Variants in TRIM59 observed in about 807,000 individuals in gnomAD.
TRIM59 encodes tripartite motif-containing protein 59.
Under a neutral mutation model 32.2 loss-of-function variants are expected in TRIM59, and 14 were observed. The ratio of observed to expected loss-of-function variants is 0.43; its 90% CI spans 0.29 to 0.68. The LOEUF (loss-of-function observed/expected upper bound fraction) is 0.68. Among genes scored for constraint, TRIM59 ranks in the 30% least tolerant of loss-of-function variants. The probability of loss-of-function intolerance (pLI) is 0.15; values close to 1 mark genes in which losing one functional copy is unlikely to be tolerated. For synonymous variants in TRIM59, 163 were observed against 155.1 expected (o/e 1.05, Z -0.38); for missense variants, 471 against 463.3 (o/e 1.02, Z -0.15).
chr3:160,439,114 G>A lies in TRIM59; in HGVS notation c.70C>T (p.Pro24Ser). The A allele has an allele frequency of 6.5e-7, 1 of 1,528,896 alleles. No homozygotes were observed. The highest frequency in any genetic ancestry group is 8.8e-7 in the Non-Finnish European group (1 of 1,139,908). 94.7% of individuals were successfully genotyped at this position (1,528,896 alleles called of 1,614,324 possible). The change falls in exon 3 of 3, where the codon CCA becomes TCA. Residue 24 changes from proline (P) to serine (S), a missense_variant. Pro to Ser is a moderately conservative substitution (Grantham distance 74). Transcript: ENST00000309784. Reference protein sequence around the residue: ...YSIFEDPRVLPCSHTFCRNCL... With the variant: ...YSIFEDPRVLSCSHTFCRNCL... ...TTTCTACAAAATGTATGAGAGCATG[G>A]CAGTACACGAGGATCTTCAAAAATA... is the stretch of plus-strand genomic sequence containing the variant.
rs1719087375 is a variant in TRIM59 at position 160,438,465 on chromosome 3, A to G, written c.719T>C (p.Ile240Thr). ...AAGTGGAGACTCTTCTTGTAAAGAT[A>G]TTGTCAGTGCCATTAATTCAAGCTG... is the stretch of plus-strand genomic sequence containing the variant. ...EQQLELMALT[I>T]SLQEESPLKF... Residue 240 changes from isoleucine (I) to threonine (T), a missense_variant, in exon 3 of 3, where the codon ATA becomes ACA. Transcript: ENST00000309784. The G allele has an allele frequency of 1.9e-6, 3 of 1,613,872 alleles. No individual in the cohort carries two copies. The highest frequency in any genetic ancestry group is 2.2e-5 in the South Asian group (2 of 91,042).
At chr3:160,443,012 G>A (rs1033063539) in intron 2 of TRIM59, among the ~76,000 whole-genome samples, 8 of 152,110 alleles carry the variant, frequency 5.3e-5, no homozygotes, top group African/African-American at 1.7e-4. Context: ...CCAGCTACGC[G>A]GGGAGCTGAG....
chr3:160,439,520 G>A (rs1430861038), intron 2 of TRIM59, among the ~76,000 whole-genome samples: 1 of 152,064 alleles, frequency 6.6e-6, no homozygotes, highest in African/African-American at 2.4e-5. Flanking sequence ...ATCTTGAATT[G>A]TAGCTCCCAT....
rs772676992 is a variant in TRIM59, at chr3:160,437,929, A to C, written c.*43T>G. On this transcript the variant is annotated 3_prime_UTR_variant, in exon 3 of 3. Coordinates refer to ENST00000309784, the MANE Select transcript of TRIM59 (RefSeq NM_173084.3). ...CATGCTACCCCATTTTTTGTTTAGC[A>C]ATGTACAGAATAAGCCCATTTAAAC... The C allele has an allele frequency of 1.4e-5, 21 of 1,474,436 alleles. No homozygotes were observed. The highest frequency in any genetic ancestry group is 1.8e-5 in the Non-Finnish European group (20 of 1,116,002). The allele number at this position is 1,474,436 out of a possible 1,614,324, so 91.3% of individuals were successfully genotyped here.
At chr3:160,449,316 A>G (rs1482552326) in intron 1 of TRIM59, 2 of 295,986 alleles carry the variant, frequency 6.8e-6, no homozygotes, top group Non-Finnish European at 1.2e-5. Flanking sequence ...TCCTGCGAGC[A>G]CCTCCCACAA....
In TRIM59 at chr3:160,438,552, C is replaced by G; in HGVS notation, c.632G>C (p.Gly211Ala). The change falls in exon 3 of 3, where the codon GGC becomes GCC. Residue 211 changes from glycine (G) to alanine (A), a missense_variant. Physicochemically the swap from Gly to Ala is moderately conservative, Grantham distance 60. Coordinates refer to ENST00000309784, the MANE Select transcript of TRIM59 (RefSeq NM_173084.3). The stretch of plus-strand genomic sequence containing the variant: ...AGTATATTCTTGATTAATTAGATTG[C>G]CAACATCACAGAGAGCCGTTAGGAA... ...KSFLTALCDVGNLINQEYTPQ... is the reference protein window; with the variant it reads ...KSFLTALCDVANLINQEYTPQ... The G allele has an allele frequency of 6.2e-7, 1 of 1,611,110 alleles. No individual in the cohort carries two copies. The highest frequency in any genetic ancestry group is 8.5e-7 in the Non-Finnish European group (1 of 1,179,376).
intron 2 of TRIM59, among the ~76,000 whole-genome samples, chr3:160,445,114 A>G (rs1445599177): frequency 3.3e-5 from 5 of 151,860 alleles, no homozygotes; most frequent in African/African-American, 4.8e-5. Flanking sequence ...GGAAAAGTGG[A>G]AAAAAAAGAA....
chr3:160,448,201 T>G (rs1408450945), intron 2 of TRIM59, among the ~76,000 whole-genome samples: 3 of 152,160 alleles, frequency 2.0e-5, no homozygotes, highest in African/African-American at 7.2e-5. Context: ...ACTTGAGAAA[T>G]TAAGGCTTTA....
Position 160,438,014 on chromosome 3 carries a change from G to T in TRIM59, c.1170C>A (p.Phe390Leu). 6.4e-7 allele frequency: 1 copy of T among 1,561,160 alleles called. No individual in the cohort carries two copies. Reference protein sequence around the residue: ...HKVKNILCHIFYLLKEFVWKI... With the variant: ...HKVKNILCHILYLLKEFVWKI... ...TCCACACAAATTCCTTCAACAAATAGAAAATGTGACACAGTATATTCTTTA... is the reference window on the plus strand; with the variant it reads ...TCCACACAAATTCCTTCAACAAATATAAAATGTGACACAGTATATTCTTTA... Residue 390 changes from phenylalanine to leucine, a missense_variant, in exon 3 of 3, where the codon TTC (phenylalanine) becomes TTA (leucine). Coordinates refer to ENST00000309784, the MANE Select transcript of TRIM59 (RefSeq NM_173084.3).
At chr3:160,441,753 CAA>C (rs538957200) in intron 2 of TRIM59, among the ~76,000 whole-genome samples, 15 of 50,116 alleles carry the variant, frequency 3.0e-4, no homozygotes, top group East Asian at 6.1e-4. Context: ...GACTCCATCT[CAA>C]AAAAAAAAAA....
chr3:160,449,499 T>C lies in TRIM59; in HGVS notation c.-74+218A>G. The C allele has an allele frequency of 3.3e-6, 4 of 1,205,414 alleles. No individual in the cohort carries two copies. The South Asian group carries it at 4.5e-5, about 14-fold the overall frequency. 74.7% of individuals were successfully genotyped at this position (1,205,414 alleles called of 1,614,324 possible). ...TCGCCACCACAGAGGGCCTCCTCCC[T>C]CACAGGAACGCAGCTCCACAGTGGA... On this transcript the variant is annotated intron_variant, in intron 1 of 2. Transcript: ENST00000309784.
chr3:160,449,441 T>A (rs1719703895), intron 1 of TRIM59: 1 of 1,162,714 alleles, frequency 8.6e-7, no homozygotes, highest in South Asian at 1.6e-5. Context: ...CCCGCGGGAC[T>A]GACCGACTCG....
rs1195548951 is a variant in TRIM59 at position 160,438,519 on chromosome 3, A to T, written c.665T>A (p.Ile222Asn). Residue 222 changes from isoleucine (I) to asparagine (N), a missense_variant, in exon 3 of 3, where the codon ATT becomes AAT. By Grantham distance (149) the Ile-to-Asn change is moderately radical. Transcript: ENST00000309784. ...NLINQEYTPQ[I>N]ERMKEIREQQ... ...CTCTCGTATTTCCTTCATTCTTTCA[A>T]TTTGTGGAGTATATTCTTGATTAAT... The T allele has an allele frequency of 1.2e-6, 2 of 1,612,028 alleles. No individual in the cohort carries two copies. Among genetic ancestry groups the T allele is most frequent in the Non-Finnish European group, 1.7e-6 (2 of 1,179,544 alleles).
chr3:160,442,539 G>A (rs1245729634), intron 2 of TRIM59, among the ~76,000 whole-genome samples: 1 of 150,622 alleles, frequency 6.6e-6, no homozygotes, highest in Non-Finnish European at 1.5e-5. Flanking sequence ...AACAGAGCAA[G>A]ACTCTGTCTC....
rs538957200 is a variant in TRIM59 at position 160,441,753 on chromosome 3, CAAAAAAAAAAAAAAA to C, written c.-3-2582_-3-2568del. On this transcript the variant is annotated intron_variant, in intron 2 of 2. Transcript: ENST00000309784. Reference sequence around the variant, plus strand: ...TGGGCAACAGAGTGAGACTCCATCTCAAAAAAAAAAAAAAAAAAAGAAAAAAGAAAAAAAGCACTC... The same window carrying C: ...TGGGCAACAGAGTGAGACTCCATCTCAAAAGAAAAAAGAAAAAAAGCACTC... Among the ~76,000 whole-genome samples, 3 of 50,098 alleles carry C rather than the reference CAAAAAAAAAAAAAAA, an allele frequency of 6.0e-5. No individual in the cohort carries two copies. The South Asian group carries it at 2.1e-3, about 36-fold the overall frequency. 32.9% of individuals were successfully genotyped at this position (50,098 alleles called of 152,430 possible).
In TRIM59 at chr3:160,438,917, T is replaced by G. The variant is rs571569479; in HGVS notation, c.267A>C (p.Glu89Asp). 294 of 1,614,104 alleles carry G rather than the reference T, an allele frequency of 1.8e-4. 6 individuals carry two copies. In the South Asian group the frequency reaches 3.0e-3, roughly 17 times the overall value. ...LRAIIEKYQQ[E>D]DHPDIVTCPE... Reference sequence around the variant, plus strand: ...GGCAGGTGACAATATCTGGATGGTCTTCTTGCTGGTACTTTTCAATAATAG... The same window carrying G: ...GGCAGGTGACAATATCTGGATGGTCGTCTTGCTGGTACTTTTCAATAATAG... Residue 89 changes from glutamate (E) to aspartate (D), a missense_variant, in exon 3 of 3, where the codon GAA (glutamate) becomes GAC (aspartate). Transcript: ENST00000309784.
At position 160,436,421 on chromosome 3, in the gene TRIM59, CA is replaced by C. The variant is rs2108512675; in HGVS notation, c.*1550del. 1.0e-6 allele frequency: 1 copy of C among 985,954 alleles called. No homozygotes were observed. The highest frequency in any genetic ancestry group is 1.7e-5 in the African/African-American group (1 of 57,364). The allele number at this position is 985,954 out of a possible 1,614,324, so 61.1% of individuals were successfully genotyped here. The stretch of plus-strand genomic sequence containing the variant: ...ATGGACAGTGGGCCAAAAGTCGTAA[CA>C]CATGCATCATAACTCCAGTCCCTGT... On this transcript the variant is annotated 3_prime_UTR_variant, in exon 3 of 3. Transcript: ENST00000309784.
intron 2 of TRIM59, among the ~76,000 whole-genome samples, chr3:160,443,116 C>CT (rs1208287497): frequency 7.2e-5 from 11 of 151,918 alleles, no homozygotes; most frequent in African/African-American, 2.4e-4. Context: ...AAGACCCTGC[C>CT]TTTTTTAGAA....
intron 1 of TRIM59, chr3:160,449,467 C>A (rs1435710414): frequency 2.5e-6 from 3 of 1,182,906 alleles, no homozygotes; most frequent in Non-Finnish European, 3.2e-6. Context: ...GTCCGCTCAG[C>A]TCACCCTCGC....
Sources: allele counts gnomAD v4.1 joint callset (sites outside exome capture counted in the v4.1 genomes callset), GRCh38; gene constraint gnomAD v4.1.1; transcripts MANE v1.5; gene names NCBI Gene and HGNC (gene_info 2026-07-23, HGNC 2026-07-21).